PCDH15: variants seen among roughly 807,000 people sequenced by gnomAD.
PCDH15 encodes the protein protocadherin related 15, also known as protocadherin-15.
Under a neutral mutation model 178.5 loss-of-function variants are expected in PCDH15, and 129 were observed. That is an observed-to-expected ratio of 0.72 (90% confidence interval 0.63 to 0.84). The LOEUF (loss-of-function observed/expected upper bound fraction) is 0.84, where lower values mean the gene tolerates loss of function less well. Among genes scored for constraint, PCDH15 ranks in the 40% least tolerant of loss-of-function variants. The pLI, the probability that PCDH15 is intolerant of heterozygous loss-of-function variation, is 0.00. For synonymous variants in PCDH15, 800 were observed against 732.0 expected (o/e 1.09, Z -1.50); for missense variants, 2,230 against 2,099.9 (o/e 1.06, Z -1.21).
intron 10 of PCDH15, among the ~76,000 whole-genome samples, chr10:54,198,210 G>C (rs1020198): frequency 0.22 from 34,092 of 152,090 alleles, 5,774 homozygotes; most frequent in African/African-American, 0.48. Context: ...TGTGCCGAGC[G>C]ATGGATGTTC....
chr10:54,233,062 G>C (rs537685728), intron 9 of PCDH15, among the ~76,000 whole-genome samples: 1 of 151,174 alleles, frequency 6.6e-6, no homozygotes, highest in East Asian at 2.0e-4. Context: ...TCCCACCTTA[G>C]CCTCCTGAGT....
chr10:54,749,388 ACAC>A (rs1945891532), intron 1 of PCDH15, among the ~76,000 whole-genome samples: 3 of 152,156 alleles, frequency 2.0e-5, no homozygotes, highest in Non-Finnish European at 4.4e-5. Context: ...TACCCCATTA[ACAC>A]TAGGGAGCAT....
chr10:55,243,686 C>G (rs1231713748), intron 1 of PCDH15, among the ~76,000 whole-genome samples: 1 of 152,144 alleles, frequency 6.6e-6, no homozygotes, highest in Non-Finnish European at 1.5e-5. Context: ...AATTAACTGA[C>G]AATAATAATC....
chr10:55,087,385 AG>A (rs947676047), intron 2 of PCDH15, among the ~76,000 whole-genome samples: 3 of 152,216 alleles, frequency 2.0e-5, no homozygotes, highest in African/African-American at 7.2e-5. Context: ...CATACTAATA[AG>A]GAAACATAAC....
chr10:55,585,873 T>C (rs1842718295), intron 2 of PCDH15, among the ~76,000 whole-genome samples: 2 of 152,124 alleles, frequency 1.3e-5, no homozygotes, highest in Admixed American at 1.3e-4. Flanking sequence ...AAATTATACA[T>C]AGAACTACTG....
intron 3 of PCDH15, among the ~76,000 whole-genome samples, chr10:54,518,889 A>T (rs1004061312): frequency 1.3e-5 from 2 of 152,222 alleles, no homozygotes; most frequent in Non-Finnish European, 2.9e-5. Context: ...CATCCCTGGG[A>T]TGCAAGGCTG....
intron 2 of PCDH15, among the ~76,000 whole-genome samples, chr10:55,488,486 G>A (rs1840346873): frequency 1.3e-5 from 2 of 151,478 alleles, no homozygotes; most frequent in African/African-American, 4.8e-5. Flanking sequence ...TTTCATTACA[G>A]GCAGAGGAAA....
chr10:55,013,722 T>G (rs1330888531), intron 2 of PCDH15, among the ~76,000 whole-genome samples: 1 of 152,190 alleles, frequency 6.6e-6, no homozygotes, highest in Non-Finnish European at 1.5e-5. Flanking sequence ...CTCACTAAAT[T>G]GCAAGATTCA....
intron 18 of PCDH15, among the ~76,000 whole-genome samples, chr10:54,034,947 T>A (rs984449035): frequency 1.3e-5 from 2 of 151,918 alleles, no homozygotes; most frequent in Admixed American, 1.3e-4. Flanking sequence ...CATCCTTTTT[T>A]CTTTCTGGTA....
intron 2 of PCDH15, among the ~76,000 whole-genome samples, chr10:55,395,439 C>A (rs2132018683): frequency 6.6e-6 from 1 of 152,048 alleles, no homozygotes; most frequent in East Asian, 1.9e-4. Flanking sequence ...ACCATTGCTT[C>A]CTAGTTTACT....
chr10:54,434,295 C>CTACAGTAATG (rs1409148194), intron 3 of PCDH15, among the ~76,000 whole-genome samples: 14 of 152,108 alleles, frequency 9.2e-5, no homozygotes, highest in African/African-American at 2.9e-4. Context: ...TTTATAAAGT[C>CTACAGTAATG]TACAGTAATG....
In PCDH15 at chr10:53,822,084, C is replaced by A. The variant is rs760992741; in HGVS notation, c.4368-1854G>T. 2.9e-5 allele frequency: 46 copies of A among 1,613,852 alleles called. 1 individual carries two copies. The highest frequency in any genetic ancestry group is 2.5e-4 in the East Asian group (11 of 44,890). On this transcript the variant is annotated intron_variant, in intron 32 of 37. Transcript: ENST00000644397. ...TAAGTTTTTAACGTGTCTGAGGATG[C>A]CTTTTGGTTCTCTCTGAGGGTCTGT...
chr10:54,049,204 T>A (rs2093716202), intron 18 of PCDH15, among the ~76,000 whole-genome samples: 1 of 152,150 alleles, frequency 6.6e-6, no homozygotes, highest in Admixed American at 6.6e-5. Flanking sequence ...TGCCACTGAT[T>A]TTTTTTACCT....
At chr10:53,882,514 A>G (rs2080799674) in intron 26 of PCDH15, among the ~76,000 whole-genome samples, 1 of 152,136 alleles carries the variant, frequency 6.6e-6, no homozygotes, top group Non-Finnish European at 1.5e-5. Context: ...GGCACGCGCC[A>G]CCACGCATGG....
At chr10:54,008,256 G>T (rs1193616783) in intron 20 of PCDH15, among the ~76,000 whole-genome samples, 1 of 152,136 alleles carries the variant, frequency 6.6e-6, no homozygotes, top group Admixed American at 6.5e-5. Flanking sequence ...GAGTCAGGAC[G>T]CCTTGACCAA....
chr10:54,167,605 CCCCTTCTCTCCTTGTCTCTAA>C (rs749862841), intron 13 of PCDH15, among the ~76,000 whole-genome samples: 45 of 151,968 alleles, frequency 3.0e-4, no homozygotes, highest in Non-Finnish European at 5.9e-4. Context: ...AGTACCTCAA[CCCCTTCTCTCCTTGTCTCTAA>C]CCCTTCTCTG....
chr10:53,861,421 A>G (rs2079099764), intron 27 of PCDH15, among the ~76,000 whole-genome samples: 2 of 152,162 alleles, frequency 1.3e-5, no homozygotes, highest in African/African-American at 4.8e-5. Flanking sequence ...CAAAATTAAA[A>G]AAGCAATGGT....
chr10:55,435,732 A>C (rs535182836), intron 2 of PCDH15, among the ~76,000 whole-genome samples: 3 of 152,310 alleles, frequency 2.0e-5, no homozygotes, highest in African/African-American at 7.2e-5. Context: ...ATGAAAACAA[A>C]ATTTATAGAA....
chr10:54,288,694 G>A (rs2059194094), intron 8 of PCDH15, among the ~76,000 whole-genome samples: 1 of 152,196 alleles, frequency 6.6e-6, no homozygotes, highest in African/African-American at 2.4e-5. Context: ...TTCGCAACTG[G>A]CAGACAAAGA....
Sources: gnomAD v4.1 joint callset for allele counts (sites outside exome capture counted in the v4.1 genomes callset) on GRCh38, gnomAD v4.1.1 for gene constraint, MANE v1.5 for transcripts, NCBI Gene and HGNC (gene_info 2026-07-23, HGNC 2026-07-21) for gene names.